Variants in RIMBP2 observed in about 807,000 individuals in gnomAD.
The protein encoded by RIMBP2 is RIMS-binding protein 2.
RIMBP2 carries 48 observed loss-of-function variants against 118.6 expected under a neutral mutation model. The ratio of observed to expected loss-of-function variants is 0.40; its 90% CI spans 0.32 to 0.51. The LOEUF (loss-of-function observed/expected upper bound fraction) is 0.51. Ranked by LOEUF, RIMBP2 falls within the 20% of genes least tolerant of loss-of-function variation. RIMBP2 has a pLI of 0.41. For missense variants in RIMBP2, 1,551 were observed against 1,768.3 expected (o/e 0.88, Z 2.20); for synonymous variants, 762 against 742.9 (o/e 1.03, Z -0.42).
intron 1 of RIMBP2, among the ~76,000 whole-genome samples, chr12:130,677,641 A>G (rs1396691364): frequency 1.3e-5 from 2 of 148,444 alleles, no homozygotes; most frequent in Admixed American, 7.1e-5. Flanking sequence ...AAAAACAAAC[A>G]AAAAAAAGAT....
intron 4 of RIMBP2, among the ~76,000 whole-genome samples, chr12:130,495,004 C>G (rs1266458522): frequency 6.6e-6 from 1 of 151,968 alleles, no homozygotes; most frequent in East Asian, 2.0e-4. Context: ...TGATCTTTGA[C>G]CAGAAGACAC....
intron 1 of RIMBP2, chr12:130,657,826 G>C (rs1344563245): frequency 6.6e-6 from 1 of 152,334 alleles, no homozygotes; most frequent in African/African-American, 2.4e-5. Flanking sequence ...GTTTCAGTGT[G>C]CGATCCCCAA....
At chr12:130,443,619 T>C (rs886149587) in intron 10 of RIMBP2, among the ~76,000 whole-genome samples, 2 of 152,202 alleles carry the variant, frequency 1.3e-5, no homozygotes, top group Non-Finnish European at 2.9e-5. Flanking sequence ...TAGTCCTGGA[T>C]GCTAATAAAA....
intron 1 of RIMBP2, 113 bp downstream of exon 1, chr12:130,716,109 G>T (rs896607415): frequency 6.6e-6 from 1 of 152,208 alleles, no homozygotes; most frequent in Non-Finnish European, 1.5e-5. Context: ...ACTTTGTCTG[G>T]GCAAAGAGTT....
intron 1 of RIMBP2, among the ~76,000 whole-genome samples, chr12:130,692,127 T>C (rs2136666287): frequency 6.6e-6 from 1 of 152,252 alleles, no homozygotes; most frequent in Non-Finnish European, 1.5e-5. Flanking sequence ...AGGGATGAAC[T>C]CACTACACTG....
chr12:130,709,927 C>T lies in RIMBP2; in HGVS notation c.-352+6295G>A, dbSNP rs574859105. Reference sequence around the variant, plus strand: ...GGCAGGAGGGAGGCAGGGGAAGGAGCGCGGTAAGAGGCATAGGAGGGGCAA... The same window carrying T: ...GGCAGGAGGGAGGCAGGGGAAGGAGTGCGGTAAGAGGCATAGGAGGGGCAA... On this transcript the variant is annotated intron_variant, in intron 1 of 22. Coordinates refer to ENST00000690449, the MANE Select transcript of RIMBP2 (RefSeq NM_001393629.1). Among the ~76,000 whole-genome samples, 28 of 152,148 alleles carry T rather than the reference C, an allele frequency of 1.8e-4. No homozygotes were observed. In the East Asian group the frequency reaches 4.7e-3, roughly 25 times the overall value.
chr12:130,630,288 G>A (rs2061915730), intron 1 of RIMBP2, among the ~76,000 whole-genome samples: 1 of 151,422 alleles, frequency 6.6e-6, no homozygotes, highest in South Asian at 2.1e-4. Context: ...AAGAGTTATT[G>A]TCAAGTTAAT....
intron 19 of RIMBP2, 74 bp from the exon 20 acceptor site, chr12:130,407,903 G>T: frequency 2.3e-6 from 3 of 1,326,714 alleles, no homozygotes; most frequent in Non-Finnish European, 3.3e-6. Context: ...CCTCCTTCCG[G>T]GTCACACATG....
chr12:130,534,679 A>C (rs2139414029), intron 2 of RIMBP2, among the ~76,000 whole-genome samples: 1 of 152,350 alleles, frequency 6.6e-6, no homozygotes, highest in Admixed American at 6.5e-5. Flanking sequence ...AACATAGCTA[A>C]GTTCACCCAT....
In RIMBP2 at chr12:130,523,834, G is replaced by A. The variant is rs768705566; in HGVS notation, c.-216-5917C>T. Among the ~76,000 whole-genome samples the A allele has an allele frequency of 1.3e-5, 2 of 152,168 alleles. No homozygotes were observed. The highest frequency in any genetic ancestry group is 2.9e-5 in the Non-Finnish European group (2 of 68,036). ...GATGTCAGGAACGCCAGTTGCTATG[G>A]GGAGAGGTGAGAGGAATTCTCGGTA... On this transcript the variant is annotated intron_variant, in intron 2 of 22. Transcript: ENST00000690449. The surrounding 1 kb of genome is among the most constrained non-coding windows in gnomAD (Gnocchi z 4.4).
chr12:130,658,041 T>G (rs1412162347), intron 1 of RIMBP2: 3 of 152,348 alleles, frequency 2.0e-5, no homozygotes, highest in Non-Finnish European at 2.9e-5. Flanking sequence ...CCCAAGGGCT[T>G]GGGTTGTTCC....
At chr12:130,658,997 A>G (rs2063542864) in intron 1 of RIMBP2, among the ~76,000 whole-genome samples, 1 of 151,776 alleles carries the variant, frequency 6.6e-6, no homozygotes, top group Admixed American at 6.6e-5. Context: ...TTCCTCCACC[A>G]TGCCAGCCTC....
At chr12:130,507,396 C>T (rs745617049) in intron 3 of RIMBP2, among the ~76,000 whole-genome samples, 13 of 152,336 alleles carry the variant, frequency 8.5e-5, no homozygotes, top group Non-Finnish European at 1.6e-4. Flanking sequence ...TGTTTGCTTA[C>T]ACCAATTTGA....
intron 5 of RIMBP2, among the ~76,000 whole-genome samples, chr12:130,474,947 G>A (rs1259864484): frequency 1.3e-5 from 2 of 152,178 alleles, no homozygotes; most frequent in African/African-American, 4.8e-5. Context: ...AACGTCTGTT[G>A]AGTGAATGGA....
chr12:130,557,143 C>T (rs2056431321), intron 2 of RIMBP2, among the ~76,000 whole-genome samples: 2 of 152,112 alleles, frequency 1.3e-5, no homozygotes, highest in African/African-American at 4.8e-5. Flanking sequence ...CCTTTGCACA[C>T]AGAGCTGCAC....
intron 11 of RIMBP2, among the ~76,000 whole-genome samples, chr12:130,439,817 G>T (rs575009834): frequency 3.0e-5 from 3 of 99,118 alleles, no homozygotes; most frequent in African/African-American, 1.4e-4. Flanking sequence ...GTCTGTGGGG[G>T]TGTCTGTGTG....
chr12:130,708,531 T>C (rs1949660667), intron 1 of RIMBP2, among the ~76,000 whole-genome samples: 1 of 151,622 alleles, frequency 6.6e-6, no homozygotes, highest in Non-Finnish European at 1.5e-5. Context: ...CTACAAAATA[T>C]AAAAAATTAG....
chr12:130,569,817 T>C (rs969478863), intron 2 of RIMBP2, among the ~76,000 whole-genome samples: 1 of 152,234 alleles, frequency 6.6e-6, no homozygotes, highest in Non-Finnish European at 1.5e-5. Flanking sequence ...CCATTAAACC[T>C]GTTTTCTTTA....
At chr12:130,603,698 G>T (rs930526299) in intron 2 of RIMBP2, among the ~76,000 whole-genome samples, 2 of 152,128 alleles carry the variant, frequency 1.3e-5, no homozygotes, top group African/African-American at 4.8e-5. Context: ...GTGAAAGCTC[G>T]CTGTAGCCCT....
Sources: allele counts gnomAD v4.1 joint callset (sites outside exome capture counted in the v4.1 genomes callset), GRCh38; gene constraint gnomAD v4.1.1; non-coding constraint Gnocchi (gnomAD v3.1); transcripts MANE v1.5; gene names NCBI Gene and HGNC (gene_info 2026-07-23, HGNC 2026-07-21).